LYPLAL1: variants seen among roughly 807,000 people sequenced by gnomAD.
The protein encoded by LYPLAL1 is lysophospholipase-like protein 1.
Under a neutral mutation model 19.7 loss-of-function variants are expected in LYPLAL1, and 23 were observed. That is an observed-to-expected ratio of 1.17 (90% CI 0.84 to 1.65). LYPLAL1 has a LOEUF of 1.65. Among genes scored for constraint, LYPLAL1 ranks in the 40% most tolerant of loss-of-function variants. The pLI, the probability that LYPLAL1 is intolerant of heterozygous loss-of-function variation, is 0.00. For missense variants in LYPLAL1, 355 were observed against 279.4 expected (o/e 1.27, Z -1.93); for synonymous variants, 119 against 96.3 (o/e 1.24, Z -1.38).
chr1:219,232,390 A>G, the LYPLAL1 span, among the ~76,000 whole-genome samples: 7 of 152,212 alleles, frequency 4.6e-5, no homozygotes, highest in Non-Finnish European at 8.8e-5. Context: ...GTATACAAAA[A>G]TTAGCTCGGA....
the LYPLAL1 span, among the ~76,000 whole-genome samples, chr1:219,238,304 A>AT: frequency 2.9e-4 from 24 of 81,880 alleles, no homozygotes; most frequent in African/African-American, 1.2e-3. Context: ...CGCCCGGCTA[A>AT]TTTTTTTTTT....
At chr1:219,399,352 G>T in the LYPLAL1 span, among the ~76,000 whole-genome samples, 1 of 152,184 alleles carries the variant, frequency 6.6e-6, no homozygotes, top group Non-Finnish European at 1.5e-5. Context: ...GGCAGTGTTG[G>T]TGCAAGGCCA....
chr1:219,266,592 G>A, the LYPLAL1 span, among the ~76,000 whole-genome samples: 1 of 152,058 alleles, frequency 6.6e-6, no homozygotes, highest in African/African-American at 2.4e-5. Flanking sequence ...TAACAGTCAT[G>A]TATTATCATC....
the LYPLAL1 span, among the ~76,000 whole-genome samples, chr1:219,401,871 A>G: frequency 6.6e-6 from 1 of 152,198 alleles, no homozygotes; most frequent in Non-Finnish European, 1.5e-5. Context: ...TGTGTTTTCA[A>G]TCCTCTGGTG....
chr1:219,354,001 A>T, the LYPLAL1 span, among the ~76,000 whole-genome samples: 1 of 152,234 alleles, frequency 6.6e-6, no homozygotes, highest in Non-Finnish European at 1.5e-5. Flanking sequence ...ATAATAACAG[A>T]TTAGACACTG....
intron 3 of LYPLAL1, among the ~76,000 whole-genome samples, chr1:219,194,764 G>A (rs1434004509): frequency 6.6e-6 from 1 of 152,064 alleles, no homozygotes; most frequent in Non-Finnish European, 1.5e-5. Flanking sequence ...TGCATTTGGG[G>A]CTGTAAGAGA....
chr1:219,357,641 T>A, the LYPLAL1 span, among the ~76,000 whole-genome samples: 1 of 152,164 alleles, frequency 6.6e-6, no homozygotes, highest in Non-Finnish European at 1.5e-5. Context: ...AGTTTGGTGA[T>A]GTCTTATAAA....
the LYPLAL1 span, among the ~76,000 whole-genome samples, chr1:219,332,005 C>T: frequency 1.3e-5 from 2 of 151,958 alleles, no homozygotes; most frequent in Non-Finnish European, 2.9e-5. Flanking sequence ...AACACTAGCC[C>T]GAGGTTCACT....
chr1:219,374,137 T>G, the LYPLAL1 span, among the ~76,000 whole-genome samples: 47 of 139,170 alleles, frequency 3.4e-4, no homozygotes, highest in African/African-American at 9.7e-4. Flanking sequence ...TTTGTGTGGA[T>G]TTTTTTTTTT....
Position 219,183,011 on chromosome 1 carries a change from GC to G in LYPLAL1, c.191+3767del, listed in dbSNP as rs1478034986. Among the ~76,000 whole-genome samples, 4 of 152,166 alleles carry G rather than the reference GC, an allele frequency of 2.6e-5. No homozygotes were observed. In the East Asian group the frequency reaches 7.7e-4, roughly 29 times the overall value. ...AGCTTTATTAACTTTGGTACACTAT[GC>G]CAAGCATATTTCCAGAGAGGCTGTA... On this transcript the variant is annotated intron_variant, in intron 2 of 4. Transcript: ENST00000366928.
At chr1:219,367,859 A>G in the LYPLAL1 span, among the ~76,000 whole-genome samples, 1 of 152,052 alleles carries the variant, frequency 6.6e-6, no homozygotes, top group African/African-American at 2.4e-5. Context: ...TTTGTCTGCA[A>G]AGGGGGCCAT....
downstream of LYPLAL1, among the ~76,000 whole-genome samples, chr1:219,217,127 A>G (rs1659317419): frequency 6.6e-6 from 1 of 152,104 alleles, no homozygotes; most frequent in South Asian, 2.1e-4. Flanking sequence ...GAAATATTGA[A>G]TGTTTTATCT....
At chr1:219,213,929 C>T (rs1659193368), downstream of LYPLAL1, among the ~76,000 whole-genome samples, 1 of 152,078 alleles carries the variant, frequency 6.6e-6, no homozygotes. Context: ...TAGTACTATG[C>T]TGAACAAGAG....
chr1:219,309,177 T>C, the LYPLAL1 span, among the ~76,000 whole-genome samples: 1 of 152,210 alleles, frequency 6.6e-6, no homozygotes, highest in Non-Finnish European at 1.5e-5. Context: ...GAGACTTTCA[T>C]GAGCCCTTTG....
At chr1:219,194,364 CAT>C (rs1657437475) in intron 3 of LYPLAL1, among the ~76,000 whole-genome samples, 1 of 151,956 alleles carries the variant, frequency 6.6e-6, no homozygotes, top group African/African-American at 2.4e-5. Flanking sequence ...GAATTCCAAA[CAT>C]GTGAATCATG....
chr1:219,281,998 A>C, the LYPLAL1 span, among the ~76,000 whole-genome samples: 1 of 152,166 alleles, frequency 6.6e-6, no homozygotes, highest in Non-Finnish European at 1.5e-5. Flanking sequence ...ATGACCAGAC[A>C]TTAGAGGAAA....
the LYPLAL1 span, among the ~76,000 whole-genome samples, chr1:219,310,759 C>G: frequency 6.6e-6 from 1 of 152,130 alleles, no homozygotes; most frequent in Non-Finnish European, 1.5e-5. Flanking sequence ...ATGGGAAAAA[C>G]GAACAATACA....
Position 219,211,640 on chromosome 1 carries a change from T to G in LYPLAL1, c.626T>G (p.Val209Gly). 1.2e-6 allele frequency: 2 copies of G among 1,613,436 alleles called. No individual in the cohort carries two copies. The highest frequency in any genetic ancestry group is 1.1e-5 in the South Asian group (1 of 91,062). The part of the protein sequence containing the change: ...VTTKFHSFPN[V>G]YHELSKTELD... The stretch of plus-strand genomic sequence containing the variant: ...ACGAAGTTTCATAGTTTTCCAAATG[T>G]TTACCATGAGCTAAGCAAAACTGAG... Residue 209 changes from valine to glycine, a missense_variant, in exon 5 of 5, where the codon GTT becomes GGT. By Grantham distance (109) the Val-to-Gly change is moderately radical (BLOSUM62 -3). Transcript: ENST00000366928.
At chr1:219,340,481 G>A in the LYPLAL1 span, among the ~76,000 whole-genome samples, 1 of 152,032 alleles carries the variant, frequency 6.6e-6, no homozygotes, top group Admixed American at 6.6e-5. Flanking sequence ...CAATGGATGT[G>A]TGGGTGAGGG....
Sources: allele counts gnomAD v4.1 joint callset (sites outside exome capture counted in the v4.1 genomes callset), GRCh38; gene constraint gnomAD v4.1.1; transcripts MANE v1.5; gene names NCBI Gene and HGNC (gene_info 2026-07-23, HGNC 2026-07-21).